Variants in DVL2 observed in about 807,000 individuals in gnomAD.
DVL2 encodes dishevelled segment polarity protein 2, also known as segment polarity protein dishevelled homolog DVL-2.
Under a neutral mutation model 69.8 loss-of-function variants are expected in DVL2, and 38 were observed. That is an observed-to-expected ratio of 0.54 (90% CI 0.42 to 0.71). The LOEUF (loss-of-function observed/expected upper bound fraction) is 0.71, where lower values mean the gene tolerates loss of function less well. Among genes scored for constraint, DVL2 ranks in the 30% least tolerant of loss-of-function variants. DVL2 has a pLI of 0.00. For missense variants in DVL2, 931 were observed against 1,008.1 expected (o/e 0.92, Z 1.04); for synonymous variants, 428 against 392.4 (o/e 1.09, Z -1.07).
rs1317208259 is a variant in DVL2, at chr17:7,226,637, G to A, written c.1546C>T (p.Leu516=). ...GDLSGGCESY[L]VNLSLNDNDG... ...TTGTCATTGAGAGACAGGTTGACTA[G>A]GTCTGGAAAGCAAGGGAAGAGAGGA... The change falls in exon 14 of 15, where the codon CTA becomes TTA. Residue 516 remains leucine, a splice_region_variant and synonymous_variant. Transcript: ENST00000005340. 3.9e-6 allele frequency: 6 copies of A among 1,549,810 alleles called. No homozygotes were observed. In the African/African-American group the frequency reaches 4.1e-5, roughly 11 times the overall value.
rs1391750147 is a variant in DVL2 at position 7,225,352 on chromosome 17, C to G, written c.*513G>C. On this transcript the variant is annotated 3_prime_UTR_variant, in exon 15 of 15. Transcript: ENST00000005340. ...AGCCAGAGGCGTGGGGAGTTTGCCT[C>G]TATTGCTTTATTTGGTGTTTTATAC... is the stretch of plus-strand genomic sequence containing the variant. 3 of 579,868 alleles carry G rather than the reference C, an allele frequency of 5.2e-6. No homozygotes were observed. The highest frequency in any genetic ancestry group is 3.7e-5 in the African/African-American group (2 of 53,524). 35.9% of individuals were successfully genotyped at this position (579,868 alleles called of 1,614,324 possible). A position where few individuals can be genotyped will look rare whatever the true frequency, so the allele number is the denominator to read the frequency against.
At chr17:7,231,119 TA>T (rs1473886427) in intron 1 of DVL2, among the ~76,000 whole-genome samples, 1 of 152,166 alleles carries the variant, frequency 6.6e-6, no homozygotes, top group Non-Finnish European at 1.5e-5. Context: ...GATACCTATC[TA>T]ATGAGACTGG....
rs1226230679 is a variant in DVL2, at chr17:7,226,051, G to A, written c.2025C>T (p.Leu675=). ...HPYGPPPGMA[L]PYNPMMVVMM... is the part of the protein sequence containing the mutation. Reference sequence around the variant, plus strand: ...TGACCACCATCATGGGGTTGTAGGGGAGGGCCATGCCAGGGGGCGGTCCAT... The same window carrying A: ...TGACCACCATCATGGGGTTGTAGGGAAGGGCCATGCCAGGGGGCGGTCCAT... The change falls in exon 15 of 15, where the codon CTC becomes CTT. Residue 675 remains leucine, a synonymous_variant. Coordinates refer to ENST00000005340, the MANE Select transcript of DVL2 (RefSeq NM_004422.3). The A allele has an allele frequency of 1.9e-6, 3 of 1,607,794 alleles. No individual in the cohort carries two copies. The highest frequency in any genetic ancestry group is 1.7e-6 in the Non-Finnish European group (2 of 1,176,594).
intron 1 of DVL2, 143 bp downstream of exon 1, chr17:7,233,926 G>T: frequency 1.2e-6 from 1 of 864,504 alleles, no homozygotes; most frequent in Non-Finnish European, 1.8e-6. Context: ...TCCTGGGATA[G>T]TCAACCTACC....
In DVL2 at chr17:7,230,801, C is replaced by A. The variant is rs1040922931; in HGVS notation, c.195-4G>T. On this transcript the variant is annotated splice_polypyrimidine_tract_variant and splice_region_variant and intron_variant, in intron 1 of 14. Coordinates refer to ENST00000005340, the MANE Select transcript of DVL2 (RefSeq NM_004422.3). ...TGAAATTTCTTCCTTCACCACCCTG[C>A]CAAGCGACAAGGTAGAGGTCAGTGA... is the stretch of plus-strand genomic sequence containing the variant. 1 of 1,612,068 alleles carries A rather than the reference C, an allele frequency of 6.2e-7. No homozygotes were observed. Among genetic ancestry groups the A allele is most frequent in the Non-Finnish European group, 8.5e-7 (1 of 1,178,788 alleles).
intron 1 of DVL2, 108 bp downstream of exon 1, chr17:7,233,961 C>T (rs1281479265): frequency 8.2e-7 from 1 of 1,226,414 alleles, no homozygotes; most frequent in East Asian, 2.3e-5. Flanking sequence ...TCTGCTCCAC[C>T]ATAGGCCAGA....
intron 1 of DVL2, 21 bp from the exon 2 acceptor site, chr17:7,230,818 GGTCAGTGA>G (rs771756473): frequency 6.2e-7 from 1 of 1,601,166 alleles, no homozygotes; most frequent in Non-Finnish European, 8.5e-7. Flanking sequence ...ACAAGGTAGA[GGTCAGTGA>G]GCTGGACCAA....
In DVL2 at chr17:7,229,412, C is replaced by T. The variant is rs1238138830; in HGVS notation, c.783G>A (p.Met261Ile). ...SSFSSVTDST[M>I]SLNIITVTLN... ...GCGTGACTGTGATGATATTGAGAGA[C>T]ATTGTGGAATCTGTGACGCTGCTGA... Residue 261 changes from methionine (M) to isoleucine (I), a missense_variant, in exon 7 of 15, where the codon ATG (methionine) becomes ATA (isoleucine). This residue lies in a region of DVL2 where 555 missense variants were observed against 588.8 expected (regional missense o/e 0.94). Coordinates refer to ENST00000005340, the MANE Select transcript of DVL2 (RefSeq NM_004422.3). The surrounding 1 kb of genome is among the most constrained non-coding windows in gnomAD (Gnocchi z 4.4). 6.2e-7 allele frequency: 1 copy of T among 1,613,874 alleles called. No homozygotes were observed. Among genetic ancestry groups the T allele is most frequent in the African/African-American group, 1.3e-5 (1 of 74,928 alleles).
Position 7,226,630 on chromosome 17 carries a change from T to C in DVL2, c.1553A>G (p.Asn518Ser), listed in dbSNP as rs1283783633. The change falls in exon 14 of 15, where the codon AAC (asparagine) becomes AGC (serine). Residue 518 changes from asparagine to serine, a missense_variant. Coordinates refer to ENST00000005340, the MANE Select transcript of DVL2 (RefSeq NM_004422.3). ...LSGGCESYLVNLSLNDNDGSS... is the reference protein window; with the variant it reads ...LSGGCESYLVSLSLNDNDGSS... ...GCCATCGTTGTCATTGAGAGACAGGTTGACTAGGTCTGGAAAGCAAGGGAA... is the reference window on the plus strand; with the variant it reads ...GCCATCGTTGTCATTGAGAGACAGGCTGACTAGGTCTGGAAAGCAAGGGAA... 3.8e-6 allele frequency: 6 copies of C among 1,563,178 alleles called. No homozygotes were observed. The highest frequency in any genetic ancestry group is 3.5e-5 in the South Asian group (3 of 84,780).
rs777731354 is a variant in DVL2 at position 7,229,380 on chromosome 17, A to AT, written c.814dup (p.Met272AsnfsTer17). 2 of 1,613,744 alleles carry AT rather than the reference A, an allele frequency of 1.2e-6. No individual in the cohort carries two copies. Among genetic ancestry groups the AT allele is most frequent in the South Asian group, 2.2e-5 (2 of 91,076 alleles). ...CTAGCCACAGGCTCTCCCCATACCC[A>AT]TGTTTAGCGTGACTGTGATGATATT... On this transcript the variant is annotated frameshift_variant, in exon 7 of 15. Coordinates refer to ENST00000005340, the MANE Select transcript of DVL2 (RefSeq NM_004422.3). LOFTEE classifies it high-confidence loss of function. The surrounding 1 kb of genome is among the most constrained non-coding windows in gnomAD (Gnocchi z 4.4).
At chr17:7,232,962 C>T (rs1271100779) in intron 1 of DVL2, among the ~76,000 whole-genome samples, 1 of 151,748 alleles carries the variant, frequency 6.6e-6, no homozygotes, top group African/African-American at 2.4e-5. Context: ...TGGTGGCGGA[C>T]GCCTGTAGTC....
intron 13 of DVL2, 190 bp downstream of exon 13, chr17:7,226,900 A>G: frequency 1.5e-6 from 1 of 670,828 alleles, no homozygotes; most frequent in Non-Finnish European, 2.5e-6. Flanking sequence ...CACCTGGCAC[A>G]TGGCTTGTCC....
At chr17:7,231,491 C>T (rs2071542899) in intron 1 of DVL2, among the ~76,000 whole-genome samples, 4 of 149,294 alleles carry the variant, frequency 2.7e-5, no homozygotes, top group African/African-American at 4.9e-5. Context: ...CTTTGGTCCT[C>T]ATCAAAGCCT....
chr17:7,234,466 G>A lies in DVL2; in HGVS notation c.-204C>T. Reference sequence around the variant, plus strand: ...GGTGCGACTCAAAGCCCCGGTCTCAGCGGCCGCCGCGCGCCACCGCCACCG... The same window carrying A: ...GGTGCGACTCAAAGCCCCGGTCTCAACGGCCGCCGCGCGCCACCGCCACCG... On this transcript the variant is annotated 5_prime_UTR_variant, in exon 1 of 15. Coordinates refer to ENST00000005340, the MANE Select transcript of DVL2 (RefSeq NM_004422.3). The A allele has an allele frequency of 3.4e-6, 2 of 588,666 alleles. No individual in the cohort carries two copies. Among genetic ancestry groups the A allele is most frequent in the Non-Finnish European group, 5.6e-6 (2 of 356,904 alleles). The allele number at this position is 588,666 out of a possible 1,614,324, so 36.5% of individuals were successfully genotyped here.
In DVL2 at chr17:7,230,330, G is replaced by A. The variant is rs1260206520; in HGVS notation, c.365C>T (p.Pro122Leu). The A allele has an allele frequency of 3.7e-6, 6 of 1,614,022 alleles. No homozygotes were observed. Among genetic ancestry groups the A allele is most frequent in the East Asian group, 2.2e-5 (1 of 44,886 alleles). The change falls in exon 3 of 15, where the codon CCC becomes CTC. Residue 122 changes from proline to leucine, a missense_variant. By Grantham distance (98) the Pro-to-Leu change is moderately conservative. Transcript: ENST00000005340. ...GTCCCCAATGCCGCTGGTCCTCTCG[G>A]GTGGCAAAGGAGGTAAAGGTGGGGC... The part of the protein sequence containing the change: ...PPAPPLPPLP[P>L]ERTSGIGDSR...
chr17:7,226,466 A>C lies in DVL2; in HGVS notation c.1717T>G (p.Ser573Ala), dbSNP rs781328615. The change falls in exon 14 of 15, where the codon TCT (serine) becomes GCT (alanine). Residue 573 changes from serine (S) to alanine (A), a missense_variant. By Grantham distance (99) the Ser-to-Ala change is moderately conservative (BLOSUM62 1). Around this residue, in one of 3 missense-constraint regions of DVL2, gnomAD observed 314 missense variants for 313.7 expected, o/e 1.00. Transcript: ENST00000005340. ...PQPPPYHELSSYTYGGGSASS... is the reference protein window; with the variant it reads ...PQPPPYHELSAYTYGGGSASS... ...GCACTGCCCCCACCATAGGTGTAAGATGAAAGCTCATGGTAGGGTGGAGGC... is the reference window on the plus strand; with the variant it reads ...GCACTGCCCCCACCATAGGTGTAAGCTGAAAGCTCATGGTAGGGTGGAGGC... 6.4e-7 allele frequency: 1 copy of C among 1,559,762 alleles called. No homozygotes were observed. Among genetic ancestry groups the C allele is most frequent in the South Asian group, 1.2e-5 (1 of 82,860 alleles).
In DVL2 at chr17:7,231,469, T is replaced by A. The variant is rs796745471; in HGVS notation, c.195-672A>T. On this transcript the variant is annotated intron_variant, in intron 1 of 14. Coordinates refer to ENST00000005340, the MANE Select transcript of DVL2 (RefSeq NM_004422.3). ...CTCAAAAAAAAAAAAAAAAAAAACC[T>A]TCCAAAAAAGGCTTTGGTCCTCATC... Among the ~76,000 whole-genome samples the A allele has an allele frequency of 2.1e-3, 291 of 136,502 alleles. 2 individuals are homozygous for A. The highest frequency in any genetic ancestry group is 7.6e-3 in the African/African-American group (280 of 36,774). 89.6% of individuals were successfully genotyped at this position (136,502 alleles called of 152,430 possible).
chr17:7,226,393 G>C, intron 14 of DVL2, 28 bp downstream of exon 14: 1 of 1,531,044 alleles, frequency 6.5e-7, no homozygotes, highest in Non-Finnish European at 8.8e-7. Context: ...TCAGATCCTG[G>C]CCGTACAGGT....
intron 1 of DVL2, among the ~76,000 whole-genome samples, chr17:7,233,437 C>T (rs755768296): frequency 6.6e-6 from 1 of 151,952 alleles, no homozygotes; most frequent in Non-Finnish European, 1.5e-5. Flanking sequence ...TCCATAATGG[C>T]CCAAGTGTTT....
Sources: gnomAD v4.1 joint callset for allele counts (sites outside exome capture counted in the v4.1 genomes callset) on GRCh38, gnomAD v4.1.1 for gene constraint, gnomAD v4.1.1 regional missense constraint, Gnocchi (gnomAD v3.1) non-coding constraint, MANE v1.5 for transcripts, NCBI Gene and HGNC (gene_info 2026-07-23, HGNC 2026-07-21) for gene names.